Variants in GDF15 observed in about 807,000 individuals in gnomAD.
The protein encoded by GDF15 is growth/differentiation factor 15.
In GDF15, 10 loss-of-function variants were observed where a neutral mutation model predicts 8.9. The ratio of observed to expected loss-of-function variants is 1.12; its 90% CI spans 0.69 to 1.90. The LOEUF (loss-of-function observed/expected upper bound fraction) is 1.90, where lower values mean the gene tolerates loss of function less well. Ranked by LOEUF, GDF15 falls within the 40% of genes most tolerant of loss-of-function variation. The pLI, the probability that GDF15 is intolerant of heterozygous loss-of-function variation, is 0.00. For synonymous variants in GDF15, 228 were observed against 210.6 expected (o/e 1.08, Z -0.72); for missense variants, 452 against 434.2 (o/e 1.04, Z -0.36).
rs752235375 is a variant in GDF15 at position 18,386,534 on chromosome 19, A to G, written c.277+68A>G. On this transcript the variant is annotated intron_variant, in intron 1 of 1. Coordinates refer to ENST00000252809, the MANE Select transcript of GDF15 (RefSeq NM_004864.4). ...CCCCATATCTAATCAGGGATTCCTCATCTTGAAAAGCCCAGACCTACCTTT... is the reference window on the plus strand; with the variant it reads ...CCCCATATCTAATCAGGGATTCCTCGTCTTGAAAAGCCCAGACCTACCTTT... The G allele has an allele frequency of 2.6e-5, 36 of 1,362,892 alleles. 1 individual carries two copies. Among genetic ancestry groups the G allele is most frequent in the Non-Finnish European group, 3.5e-5 (34 of 982,442 alleles). 84.4% of individuals were successfully genotyped at this position (1,362,892 alleles called of 1,614,324 possible).
chr19:18,388,890 C>A lies in GDF15; in HGVS notation c.882C>A (p.Leu294=), dbSNP rs779481097. The A allele has an allele frequency of 9.9e-6, 16 of 1,611,194 alleles. No individual in the cohort carries two copies. In the African/African-American group the frequency reaches 1.9e-4, roughly 19 times the overall value. The part of the protein sequence containing the change: ...LIQKTDTGVS[L]QTYDDLLAKD... ...AAAAGACCGACACCGGGGTGTCGCT[C>A]CAGACCTATGATGACTTGTTAGCCA... The change falls in exon 2 of 2, where the codon CTC becomes CTA. Residue 294 remains leucine, a synonymous_variant. Coordinates refer to ENST00000252809, the MANE Select transcript of GDF15 (RefSeq NM_004864.4). The surrounding 1 kb of genome is among the most constrained non-coding windows in gnomAD (Gnocchi z 4.2).
At chr19:18,387,660 C>T (rs1193423748) in intron 1 of GDF15, among the ~76,000 whole-genome samples, 1 of 151,992 alleles carries the variant, frequency 6.6e-6, no homozygotes, top group Non-Finnish European at 1.5e-5. Context: ...CTATTGTGTG[C>T]CAGGCACAGT....
At position 18,386,195 on chromosome 19, in the gene GDF15, C is replaced by CG; in HGVS notation, c.9dup (p.Gln4AlafsTer295). ...GAGCCGCAACCTGCACAGCCATGCC[C>CG]GGGCAAGAACTCAGGACGGTGAATG... is the stretch of plus-strand genomic sequence containing the variant. On this transcript the variant is annotated frameshift_variant, in exon 1 of 2. Transcript: ENST00000252809. LOFTEE classifies it high-confidence loss of function. The CG allele has an allele frequency of 6.2e-7, 1 of 1,610,994 alleles. No homozygotes were observed. Among genetic ancestry groups the CG allele is most frequent in the South Asian group, 1.1e-5 (1 of 90,954 alleles).
At position 18,388,517 on chromosome 19, in the gene GDF15, T is replaced by TG; in HGVS notation, c.511dup (p.Ala171GlyfsTer128). On this transcript the variant is annotated frameshift_variant, in exon 2 of 2. Transcript: ENST00000252809. LOFTEE classifies it low-confidence loss of function (END_TRUNC). This position sits in a 1 kb window ranked among gnomAD's most constrained non-coding sequence, Gnocchi z 4.2. Reference sequence around the variant, plus strand: ...CCGCCGTCGCAGTCGGACCAACTGCTGGCAGAATCTTCGTCCGCACGGCCC... The same window carrying TG: ...CCGCCGTCGCAGTCGGACCAACTGCTGGGCAGAATCTTCGTCCGCACGGCCC... 1 of 1,600,878 alleles carries TG rather than the reference T, an allele frequency of 6.2e-7. No homozygotes were observed. Among genetic ancestry groups the TG allele is most frequent in the South Asian group, 1.1e-5 (1 of 90,210 alleles).
chr19:18,389,024 AC>A lies in GDF15; in HGVS notation c.*92del, dbSNP rs569787718. On this transcript the variant is annotated 3_prime_UTR_variant, in exon 2 of 2. Transcript: ENST00000252809. The stretch of plus-strand genomic sequence containing the variant: ...GGAATGGGCTCAAGGTTCCTGAGAC[AC>A]CCGATTCCTGCCCAAACAGCTGTAT... 20 of 816,200 alleles carry A rather than the reference AC, an allele frequency of 2.5e-5. No homozygotes were observed. The African/African-American group carries it at 3.3e-4, about 13-fold the overall frequency. 50.6% of individuals were successfully genotyped at this position (816,200 alleles called of 1,614,324 possible). A position where few individuals can be genotyped will look rare whatever the true frequency, so the allele number is the denominator to read the frequency against.
chr19:18,388,086 C>T lies in GDF15; in HGVS notation c.278-200C>T, dbSNP rs1434638468. ...CTGACCTCAAGTGATCCACCTGCATCGGCCTCCCAAAGTGCTGGGATTACA... is the reference window on the plus strand; with the variant it reads ...CTGACCTCAAGTGATCCACCTGCATTGGCCTCCCAAAGTGCTGGGATTACA... On this transcript the variant is annotated intron_variant, in intron 1 of 1. Coordinates refer to ENST00000252809, the MANE Select transcript of GDF15 (RefSeq NM_004864.4). The surrounding 1 kb of genome is among the most constrained non-coding windows in gnomAD (Gnocchi z 4.2). Among the ~76,000 whole-genome samples, 2 of 152,108 alleles carry T rather than the reference C, an allele frequency of 1.3e-5. No individual in the cohort carries two copies. Among genetic ancestry groups the T allele is most frequent in the Non-Finnish European group, 2.9e-5 (2 of 68,010 alleles).
chr19:18,388,312 C>A lies in GDF15; in HGVS notation c.304C>A (p.His102Asn), dbSNP rs1441952732. The A allele has an allele frequency of 6.2e-7, 1 of 1,610,690 alleles. No individual in the cohort carries two copies. Residue 102 changes from histidine (H) to asparagine (N), a missense_variant, in exon 2 of 2, where the codon CAC (histidine) becomes AAC (asparagine). By Grantham distance (68) the His-to-Asn change is moderately conservative. Transcript: ENST00000252809. The surrounding 1 kb of genome is among the most constrained non-coding windows in gnomAD (Gnocchi z 4.2). ...EVRLGSGGHL[H>N]LRISRAALPE... ...GCGGCTGGGATCCGGCGGCCACCTGCACCTGCGTATCTCTCGGGCCGCCCT... is the reference window on the plus strand; with the variant it reads ...GCGGCTGGGATCCGGCGGCCACCTGAACCTGCGTATCTCTCGGGCCGCCCT...
rs1303218550 is a variant in GDF15, at chr19:18,388,737, G to A, written c.729G>A (p.Ala243=). ...TGCAAGTGACCATGTGCATCGGCGC[G>A]TGCCCGAGCCAGTTCCGGGCGGCAA... ...REVQVTMCIG[A]CPSQFRAANM... Residue 243 remains alanine (A), a synonymous_variant, in exon 2 of 2, where the codon GCG becomes GCA. Transcript: ENST00000252809. This position sits in a 1 kb window ranked among gnomAD's most constrained non-coding sequence, Gnocchi z 4.2. 2 of 1,608,610 alleles carry A rather than the reference G, an allele frequency of 1.2e-6. No homozygotes were observed. Among genetic ancestry groups the A allele is most frequent in the African/African-American group, 1.3e-5 (1 of 74,914 alleles).
At position 18,388,594 on chromosome 19, in the gene GDF15, C is replaced by A. The variant is rs1338442890; in HGVS notation, c.586C>A (p.Arg196Ser). Residue 196 changes from arginine to serine, a missense_variant, in exon 2 of 2, where the codon CGT (arginine) becomes AGT (serine). Arg to Ser is a moderately radical substitution (Grantham distance 110, BLOSUM62 -1). Transcript: ENST00000252809. This position sits in a 1 kb window ranked among gnomAD's most constrained non-coding sequence, Gnocchi z 4.2. Reference sequence around the variant, plus strand: ...AGCCGCCAGGGGGCGCCGCAGAGCGCGTGCGCGCAACGGGGACCACTGTCC... The same window carrying A: ...AGCCGCCAGGGGGCGCCGCAGAGCGAGTGCGCGCAACGGGGACCACTGTCC... ...PQAARGRRRA[R>S]ARNGDHCPLG... The A allele has an allele frequency of 4.4e-6, 7 of 1,600,848 alleles. No homozygotes were observed. Among genetic ancestry groups the A allele is most frequent in the Non-Finnish European group, 5.1e-6 (6 of 1,177,060 alleles).
At position 18,388,328 on chromosome 19, in the gene GDF15, G is replaced by A. The variant is rs545070690; in HGVS notation, c.320G>A (p.Arg107Gln). The A allele has an allele frequency of 4.8e-5, 78 of 1,610,842 alleles. 1 individual carries two copies. In the South Asian group the frequency reaches 8.4e-4, roughly 17 times the overall value. ...GGCCACCTGCACCTGCGTATCTCTC[G>A]GGCCGCCCTTCCCGAGGGGCTCCCC... is the stretch of plus-strand genomic sequence containing the variant. The part of the protein sequence containing the change: ...SGGHLHLRIS[R>Q]AALPEGLPEA... Residue 107 changes from arginine to glutamine, a missense_variant, in exon 2 of 2, where the codon CGG becomes CAG. Coordinates refer to ENST00000252809, the MANE Select transcript of GDF15 (RefSeq NM_004864.4). This position sits in a 1 kb window ranked among gnomAD's most constrained non-coding sequence, Gnocchi z 4.2.
intron 1 of GDF15, chr19:18,386,890 GAA>G (rs934399180): frequency 9.9e-5 from 19 of 191,842 alleles, no homozygotes; most frequent in Non-Finnish European, 1.9e-4. Context: ...TGAATCTGAT[GAA>G]ATCGCTTGTC....
Position 18,387,813 on chromosome 19 carries a change from C to CTTTTTTTTTTT in GDF15, c.278-457_278-447dup, listed in dbSNP as rs538473844. Among the ~76,000 whole-genome samples, 131 of 70,314 alleles carry CTTTTTTTTTTT rather than the reference C, an allele frequency of 1.9e-3. 20 individuals carry two copies. Among genetic ancestry groups the CTTTTTTTTTTT allele is most frequent in the African/African-American group, 3.7e-3 (46 of 12,382 alleles). The allele number at this position is 70,314 out of a possible 152,430, so 46.1% of individuals were successfully genotyped here. A position where few individuals can be genotyped will look rare whatever the true frequency, so the allele number is the denominator to read the frequency against. ...CAGGAGATTCAAGGGGAGAAATGCC[C>CTTTTTTTTTTT]TTTTTTTTTTTTTTTTTTTTTTTTT... On this transcript the variant is annotated intron_variant, in intron 1 of 1. Transcript: ENST00000252809.
chr19:18,389,103 C>T lies in GDF15; in HGVS notation c.*168C>T. The T allele has an allele frequency of 5.5e-6, 3 of 543,558 alleles. No individual in the cohort carries two copies. In the South Asian group the frequency reaches 8.4e-5, roughly 15 times the overall value. The allele number at this position is 543,558 out of a possible 1,614,324, so 33.7% of individuals were successfully genotyped here. A position where few individuals can be genotyped will look rare whatever the true frequency, so the allele number is the denominator to read the frequency against. On this transcript the variant is annotated 3_prime_UTR_variant, in exon 2 of 2. Transcript: ENST00000252809. ...TTTATTGGGGTGACCTTCTTGGGGA[C>T]TCGGGGGCTGGTCTGATGGAACTGT...
At chr19:18,387,451 A>G (rs1397945368) in intron 1 of GDF15, among the ~76,000 whole-genome samples, 2 of 152,128 alleles carry the variant, frequency 1.3e-5, no homozygotes, top group African/African-American at 4.8e-5. Flanking sequence ...GAGCACTTGA[A>G]TCCAGGAGAT....
rs1064601 is a variant in GDF15 at position 18,388,753 on chromosome 19, C to T, written c.745C>T (p.Arg249Trp). ...CATCGGCGCGTGCCCGAGCCAGTTC[C>T]GGGCGGCAAACATGCACGCGCAGAT... ...MCIGACPSQF[R>W]AANMHAQIKT... Residue 249 changes from arginine to tryptophan, a missense_variant, in exon 2 of 2, where the codon CGG (arginine) becomes TGG (tryptophan). Physicochemically the swap from Arg to Trp is moderately radical, Grantham distance 101. Coordinates refer to ENST00000252809, the MANE Select transcript of GDF15 (RefSeq NM_004864.4). The surrounding 1 kb of genome is among the most constrained non-coding windows in gnomAD (Gnocchi z 4.2). 1.9e-6 allele frequency: 3 copies of T among 1,609,512 alleles called. No homozygotes were observed. The highest frequency in any genetic ancestry group is 2.7e-5 in the African/African-American group (2 of 74,926).
chr19:18,387,403 G>A (rs146143437), intron 1 of GDF15, among the ~76,000 whole-genome samples: 1,882 of 152,264 alleles, frequency 0.012, 53 homozygotes, highest in African/African-American at 0.043. Flanking sequence ...GATGGTGTGT[G>A]CCTGTAGTCT....
chr19:18,386,685 A>C, intron 1 of GDF15: 2 of 567,852 alleles, frequency 3.5e-6, no homozygotes, highest in East Asian at 3.0e-5. Context: ...CAAGTTGCAA[A>C]TGGGGAAACT....
Position 18,386,326 on chromosome 19 carries a change from T to G in GDF15, c.137T>G (p.Leu46Trp). The G allele has an allele frequency of 6.2e-7, 1 of 1,614,132 alleles. No individual in the cohort carries two copies. Among genetic ancestry groups the G allele is most frequent in the East Asian group, 2.2e-5 (1 of 44,874 alleles). The change falls in exon 1 of 2, where the codon TTG (leucine) becomes TGG (tryptophan). Residue 46 changes from leucine to tryptophan, a missense_variant. By Grantham distance (61) the Leu-to-Trp change is moderately conservative. Transcript: ENST00000252809. ...SRASFPGPSELHSEDSRFREL... is the reference protein window; with the variant it reads ...SRASFPGPSEWHSEDSRFREL... ...GCAAGTTTCCCGGGACCCTCAGAGT[T>G]GCACTCCGAAGACTCCAGATTCCGA...
At chr19:18,386,515 A>C in intron 1 of GDF15, 49 bp downstream of exon 1, 1 of 1,464,706 alleles carries the variant, frequency 6.8e-7, no homozygotes, top group Non-Finnish European at 9.4e-7. Context: ...CAGCCCCCAT[A>C]TCTAATCAGG....
Sources: allele counts gnomAD v4.1 joint callset (sites outside exome capture counted in the v4.1 genomes callset), GRCh38; gene constraint gnomAD v4.1.1; non-coding constraint Gnocchi (gnomAD v3.1); transcripts MANE v1.5; gene names NCBI Gene and HGNC (gene_info 2026-07-23, HGNC 2026-07-21).